TGIF2LX: variants seen among roughly 807,000 people sequenced by gnomAD.
TGIF2LX encodes the protein homeobox protein TGIF2LX.
TGIF2LX carries 1 observed loss-of-function variant against 1.2 expected under a neutral mutation model. That is an observed-to-expected ratio of 0.85 (90% CI 0.30 to 4.01). The LOEUF (loss-of-function observed/expected upper bound fraction) is 4.01, where lower values mean the gene tolerates loss of function less well. Ranked by LOEUF, TGIF2LX falls within the 30% of genes most tolerant of loss-of-function variation. TGIF2LX has a pLI of 0.18. For missense variants in TGIF2LX, 97 were observed against 196.0 expected (o/e 0.49, Z 3.02); for synonymous variants, 69 against 85.0 (o/e 0.81, Z 1.04).
chrX:89,922,800 C>A lies in TGIF2LX; in HGVS notation c.715C>A (p.Pro239Thr). 1 of 1,204,316 alleles carries A rather than the reference C, an allele frequency of 8.3e-7. No homozygotes were observed. The highest frequency in any genetic ancestry group is 1.7e-5 in the African/African-American group (1 of 57,376). Residue 239 changes from proline (P) to threonine (T), a missense_variant, in exon 2 of 2, where the codon CCT becomes ACT. Pro to Thr is a conservative substitution (Grantham distance 38). Around this residue, in one of 3 missense-constraint regions of TGIF2LX, gnomAD observed 74 missense variants for 142.5 expected, o/e 0.52. Transcript: ENST00000283891. Reference protein sequence around the residue: ...AELELEKKQEPNP With the variant: ...AELELEKKQETNP ...GCTGGAGCTAGAGAAGAAGCAAGAG[C>A]CTAATCCATGATTGATGATGTTCCA...
intron 1 of TGIF2LX, 25 bp downstream of exon 1, chrX:89,921,993 C>T: frequency 1.0e-6 from 1 of 981,765 alleles, no homozygotes; most frequent in Non-Finnish European, 1.4e-6. Context: ...TACAGACCTG[C>T]CCATGCTTTC....
Position 89,922,509 on chromosome X carries a change from G to C in TGIF2LX, c.424G>C (p.Val142Leu). The change falls in exon 2 of 2, where the codon GTG becomes CTG. Residue 142 changes from valine (V) to leucine (L), a missense_variant. By Grantham distance (32) the Val-to-Leu change is conservative. Coordinates refer to ENST00000283891, the MANE Select transcript of TGIF2LX (RefSeq NM_138960.4). ...ATHLQSTEAS[V>L]PAKSGPSGPD... ...CCACCTGCAGAGCACCGAGGCGTCT[G>C]TGCCGGCCAAGTCAGGGCCCAGTGG... 8.2e-7 allele frequency: 1 copy of C among 1,212,226 alleles called. No individual in the cohort carries two copies. Among genetic ancestry groups the C allele is most frequent in the Middle Eastern group, 2.3e-4 (1 of 4,356 alleles).
In TGIF2LX at chrX:89,922,113, G is replaced by A; in HGVS notation, c.28G>A (p.Glu10Lys). The A allele has an allele frequency of 8.3e-7, 1 of 1,211,258 alleles. No individual in the cohort carries two copies. Among genetic ancestry groups the A allele is most frequent in the Middle Eastern group, 2.3e-4 (1 of 4,348 alleles). The change falls in exon 2 of 2, where the codon GAG becomes AAG. Residue 10 changes from glutamate (E) to lysine (K), a missense_variant. By Grantham distance (56) the Glu-to-Lys change is moderately conservative. Transcript: ENST00000283891. ...GGAGGCCGCTGCGGACGGCCCGGCT[G>A]AGACCCAAAGCCCGGTGGAAAAAGA... MEAAADGPA[E>K]TQSPVEKDSP...
At position 89,921,929 on chromosome X, in the gene TGIF2LX, C is replaced by G; in HGVS notation, c.-61C>G. 2.2e-6 allele frequency: 2 copies of G among 899,367 alleles called. No individual in the cohort carries two copies. Among genetic ancestry groups the G allele is most frequent in the East Asian group, 6.8e-5 (2 of 29,560 alleles). 74.1% of individuals were successfully genotyped at this position (899,367 alleles called of 1,213,427 possible). Reference sequence around the variant, plus strand: ...AGATAACCAGCTCGGCTGTTAGCAACTCTGTTAGCAACGCTGTTTGTCTTT... The same window carrying G: ...AGATAACCAGCTCGGCTGTTAGCAAGTCTGTTAGCAACGCTGTTTGTCTTT... On this transcript the variant is annotated 5_prime_UTR_variant, in exon 1 of 2. Coordinates refer to ENST00000283891, the MANE Select transcript of TGIF2LX (RefSeq NM_138960.4).
chrX:89,922,538 A>G lies in TGIF2LX; in HGVS notation c.453A>G (p.Pro151=), dbSNP rs1228926476. The G allele has an allele frequency of 9.3e-5, 113 of 1,210,974 alleles. No homozygotes were observed. Among genetic ancestry groups the G allele is most frequent in the Non-Finnish European group, 1.2e-4 (110 of 895,455 alleles). The part of the protein sequence containing the change: ...SVPAKSGPSG[P]DNVQSLPLWP... ...CGGCCAAGTCAGGGCCCAGTGGTCC[A>G]GACAATGTACAAAGCCTGCCCCTGT... The change falls in exon 2 of 2, where the codon CCA becomes CCG. Residue 151 remains proline, a synonymous_variant. Transcript: ENST00000283891.
In TGIF2LX at chrX:89,922,295, T is replaced by C. The variant is rs1217247725; in HGVS notation, c.210T>C (p.Tyr70=). ...ESVKILRDWM[Y]KHRFKAYPSE... is the part of the protein sequence containing the mutation. ...TTAAGATCCTCCGCGACTGGATGTA[T>C]AAGCATCGGTTTAAGGCCTACCCTT... The change falls in exon 2 of 2, where the codon TAT becomes TAC. Residue 70 remains tyrosine (Y), a synonymous_variant. Coordinates refer to ENST00000283891, the MANE Select transcript of TGIF2LX (RefSeq NM_138960.4). 23 of 1,209,305 alleles carry C rather than the reference T, an allele frequency of 1.9e-5. No individual in the cohort carries two copies. Among genetic ancestry groups the C allele is most frequent in the Non-Finnish European group, 2.6e-5 (23 of 894,968 alleles).
chrX:89,922,310 G>A lies in TGIF2LX; in HGVS notation c.225G>A (p.Lys75=). Reference sequence around the variant, plus strand: ...ACTGGATGTATAAGCATCGGTTTAAGGCCTACCCTTCAGAAGAAGAGAAGC... The same window carrying A: ...ACTGGATGTATAAGCATCGGTTTAAAGCCTACCCTTCAGAAGAAGAGAAGC... ...LRDWMYKHRF[K]AYPSEEEKQM... Residue 75 remains lysine (K), a synonymous_variant, in exon 2 of 2, where the codon AAG becomes AAA. Coordinates refer to ENST00000283891, the MANE Select transcript of TGIF2LX (RefSeq NM_138960.4). The A allele has an allele frequency of 1.7e-6, 2 of 1,211,638 alleles. No homozygotes were observed. The highest frequency in any genetic ancestry group is 1.8e-5 in the South Asian group (1 of 56,996).
rs768371103 is a variant in TGIF2LX, at chrX:89,922,322, A to G, written c.237A>G (p.Ser79=). The change falls in exon 2 of 2, where the codon TCA becomes TCG. Residue 79 remains serine (S), a synonymous_variant. Coordinates refer to ENST00000283891, the MANE Select transcript of TGIF2LX (RefSeq NM_138960.4). ...MYKHRFKAYP[S]EEEKQMLSEK... ...AGCATCGGTTTAAGGCCTACCCTTC[A>G]GAAGAAGAGAAGCAAATGCTGTCAG... The G allele has an allele frequency of 1.3e-5, 16 of 1,209,931 alleles. No individual in the cohort carries two copies. Among genetic ancestry groups the G allele is most frequent in the Non-Finnish European group, 1.1e-5 (10 of 895,218 alleles).
Position 89,922,615 on chromosome X carries a change from C to T in TGIF2LX, c.530C>T (p.Ser177Leu). The T allele has an allele frequency of 1.7e-6, 2 of 1,212,014 alleles. No homozygotes were observed. Among genetic ancestry groups the T allele is most frequent in the Non-Finnish European group, 2.2e-6 (2 of 895,600 alleles). ...AGAGAGAAGCAACCAGATCCGGAGT[C>T]GGCCCCTAGCCAGAAGCTCACCGGA... is the stretch of plus-strand genomic sequence containing the variant. ...MSREKQPDPE[S>L]APSQKLTGIA... The change falls in exon 2 of 2, where the codon TCG becomes TTG. Residue 177 changes from serine (S) to leucine (L), a missense_variant. This residue lies in a region of TGIF2LX where 74 missense variants were observed against 142.5 expected (regional missense o/e 0.52). Transcript: ENST00000283891.
Position 89,922,105 on chromosome X carries a change from G to A in TGIF2LX, c.20G>A (p.Gly7Asp). The change falls in exon 2 of 2, where the codon GGC becomes GAC. Residue 7 changes from glycine to aspartate, a missense_variant. Gly to Asp is a moderately conservative substitution (Grantham distance 94, BLOSUM62 -1). Transcript: ENST00000283891. MEAAAD[G>D]PAETQSPVEK... ...TGGAATATGGAGGCCGCTGCGGACG[G>A]CCCGGCTGAGACCCAAAGCCCGGTG... 8.3e-7 allele frequency: 1 copy of A among 1,211,164 alleles called. No homozygotes were observed. The highest frequency in any genetic ancestry group is 1.1e-6 in the Non-Finnish European group (1 of 895,370).
chrX:89,922,803 A>G lies in TGIF2LX; in HGVS notation c.718A>G (p.Asn240Asp). 3 of 1,202,404 alleles carry G rather than the reference A, an allele frequency of 2.5e-6. No individual in the cohort carries two copies. Among genetic ancestry groups the G allele is most frequent in the Non-Finnish European group, 3.4e-6 (3 of 892,054 alleles). ...ELELEKKQEP[N>D]P ...GGAGCTAGAGAAGAAGCAAGAGCCTAATCCATGATTGATGATGTTCCAAAA... is the reference window on the plus strand; with the variant it reads ...GGAGCTAGAGAAGAAGCAAGAGCCTGATCCATGATTGATGATGTTCCAAAA... The change falls in exon 2 of 2, where the codon AAT becomes GAT. Residue 240 changes from asparagine to aspartate, a missense_variant. Coordinates refer to ENST00000283891, the MANE Select transcript of TGIF2LX (RefSeq NM_138960.4).
chrX:89,921,959 G>T lies in TGIF2LX; in HGVS notation c.-31G>T. 1.0e-6 allele frequency: 1 copy of T among 991,671 alleles called. No homozygotes were observed. The highest frequency in any genetic ancestry group is 1.4e-6 in the Non-Finnish European group (1 of 724,205). The allele number at this position is 991,671 out of a possible 1,213,427, so 81.7% of individuals were successfully genotyped here. A position where few individuals can be genotyped will look rare whatever the true frequency, so the allele number is the denominator to read the frequency against. On this transcript the variant is annotated 5_prime_UTR_variant, in exon 1 of 2. Transcript: ENST00000283891. ...TTAGCAACGCTGTTTGTCTTTCTCG[G>T]AAACAACAGGTGAGAATTCCCCTTA...
In TGIF2LX at chrX:89,921,985, C is replaced by A; in HGVS notation, c.-22+17C>A. 13 of 979,136 alleles carry A rather than the reference C, an allele frequency of 1.3e-5. No individual in the cohort carries two copies. Among genetic ancestry groups the A allele is most frequent in the Non-Finnish European group, 1.7e-5 (12 of 708,136 alleles). 80.7% of individuals were successfully genotyped at this position (979,136 alleles called of 1,213,427 possible). A position where few individuals can be genotyped will look rare whatever the true frequency, so the allele number is the denominator to read the frequency against. ...AAACAACAGGTGAGAATTCCCCTTA[C>A]AGACCTGCCCATGCTTTCTAAAGTG... On this transcript the variant is annotated intron_variant, in intron 1 of 1. Coordinates refer to ENST00000283891, the MANE Select transcript of TGIF2LX (RefSeq NM_138960.4).
At position 89,921,944 on chromosome X, in the gene TGIF2LX, T is replaced by C; in HGVS notation, c.-46T>C. The C allele has an allele frequency of 1.0e-6, 1 of 972,682 alleles. No homozygotes were observed. The highest frequency in any genetic ancestry group is 2.2e-5 in the South Asian group (1 of 44,930). The allele number at this position is 972,682 out of a possible 1,213,427, so 80.2% of individuals were successfully genotyped here. The stretch of plus-strand genomic sequence containing the variant: ...CTGTTAGCAACTCTGTTAGCAACGC[T>C]GTTTGTCTTTCTCGGAAACAACAGG... On this transcript the variant is annotated 5_prime_UTR_variant, in exon 1 of 2. Coordinates refer to ENST00000283891, the MANE Select transcript of TGIF2LX (RefSeq NM_138960.4).
Position 89,922,766 on chromosome X carries a change from G to A in TGIF2LX, c.681G>A (p.Arg227=), listed in dbSNP as rs752718742. The A allele has an allele frequency of 2.7e-5, 33 of 1,210,481 alleles. No homozygotes were observed. Among genetic ancestry groups the A allele is most frequent in the Middle Eastern group, 2.3e-4 (1 of 4,338 alleles). Residue 227 remains arginine, a synonymous_variant, in exon 2 of 2, where the codon AGG becomes AGA. Coordinates refer to ENST00000283891, the MANE Select transcript of TGIF2LX (RefSeq NM_138960.4). The part of the protein sequence containing the change: ...FLLLVDAAVQ[R]AAELELEKKQ... ...TGCTAGTCGATGCAGCAGTACAAAGGGCTGCCGAGCTGGAGCTAGAGAAGA... is the reference window on the plus strand; with the variant it reads ...TGCTAGTCGATGCAGCAGTACAAAGAGCTGCCGAGCTGGAGCTAGAGAAGA...
chrX:89,921,960 A>G lies in TGIF2LX; in HGVS notation c.-30A>G, dbSNP rs950062657. 1 of 990,709 alleles carries G rather than the reference A, an allele frequency of 1.0e-6. No homozygotes were observed. Among genetic ancestry groups the G allele is most frequent in the African/African-American group, 1.9e-5 (1 of 51,512 alleles). 81.6% of individuals were successfully genotyped at this position (990,709 alleles called of 1,213,427 possible). Reference sequence around the variant, plus strand: ...TAGCAACGCTGTTTGTCTTTCTCGGAAACAACAGGTGAGAATTCCCCTTAC... The same window carrying G: ...TAGCAACGCTGTTTGTCTTTCTCGGGAACAACAGGTGAGAATTCCCCTTAC... On this transcript the variant is annotated 5_prime_UTR_variant, in exon 1 of 2. Coordinates refer to ENST00000283891, the MANE Select transcript of TGIF2LX (RefSeq NM_138960.4).
At position 89,922,772 on chromosome X, in the gene TGIF2LX, C is replaced by T. The variant is rs763936281; in HGVS notation, c.687C>T (p.Ala229=). Residue 229 remains alanine, a synonymous_variant, in exon 2 of 2, where the codon GCC becomes GCT. Transcript: ENST00000283891. ...TCGATGCAGCAGTACAAAGGGCTGC[C>T]GAGCTGGAGCTAGAGAAGAAGCAAG... ...LLVDAAVQRA[A]ELELEKKQEP... is the part of the protein sequence containing the mutation. The T allele has an allele frequency of 1.1e-5, 13 of 1,207,792 alleles. No individual in the cohort carries two copies. The highest frequency in any genetic ancestry group is 3.0e-5 in the East Asian group (1 of 33,753).
chrX:89,922,106 C>T lies in TGIF2LX; in HGVS notation c.21C>T (p.Gly7=). 3 of 1,211,258 alleles carry T rather than the reference C, an allele frequency of 2.5e-6. No homozygotes were observed. Among genetic ancestry groups the T allele is most frequent in the Non-Finnish European group, 3.4e-6 (3 of 895,394 alleles). The change falls in exon 2 of 2, where the codon GGC becomes GGT. Residue 7 remains glycine (G), a synonymous_variant. Coordinates refer to ENST00000283891, the MANE Select transcript of TGIF2LX (RefSeq NM_138960.4). MEAAAD[G]PAETQSPVEK... ...GGAATATGGAGGCCGCTGCGGACGGCCCGGCTGAGACCCAAAGCCCGGTGG... is the reference window on the plus strand; with the variant it reads ...GGAATATGGAGGCCGCTGCGGACGGTCCGGCTGAGACCCAAAGCCCGGTGG...
rs763936281 is a variant in TGIF2LX at position 89,922,772 on chromosome X, C to A, written c.687C>A (p.Ala229=). 2.2e-5 allele frequency: 27 copies of A among 1,207,792 alleles called. No homozygotes were observed. The highest frequency in any genetic ancestry group is 2.8e-5 in the Non-Finnish European group (25 of 894,474). The part of the protein sequence containing the change: ...LLVDAAVQRA[A]ELELEKKQEP... The stretch of plus-strand genomic sequence containing the variant: ...TCGATGCAGCAGTACAAAGGGCTGC[C>A]GAGCTGGAGCTAGAGAAGAAGCAAG... The change falls in exon 2 of 2, where the codon GCC becomes GCA. Residue 229 remains alanine, a synonymous_variant. Coordinates refer to ENST00000283891, the MANE Select transcript of TGIF2LX (RefSeq NM_138960.4).
Sources: gnomAD v4.1 joint callset for allele counts on GRCh38, gnomAD v4.1.1 for gene constraint, gnomAD v4.1.1 regional missense constraint, MANE v1.5 for transcripts, NCBI Gene and HGNC (gene_info 2026-07-23, HGNC 2026-07-21) for gene names.